Variants in SLC7A8 observed in about 807,000 individuals in gnomAD.
SLC7A8 encodes the protein large neutral amino acids transporter small subunit 2.
Under a neutral mutation model 51.2 loss-of-function variants are expected in SLC7A8, and 30 were observed. The ratio of observed to expected loss-of-function variants is 0.59; its 90% CI spans 0.44 to 0.80. SLC7A8 has a LOEUF of 0.80. SLC7A8 is among the 30% of genes least tolerant of loss of function. The probability of loss-of-function intolerance (pLI) is 0.00; values close to 1 mark genes in which losing one functional copy is unlikely to be tolerated. For synonymous variants in SLC7A8, 257 were observed against 275.8 expected (o/e 0.93, Z 0.67); for missense variants, 612 against 674.4 (o/e 0.91, Z 1.03).
In SLC7A8 at chr14:23,139,439, G is replaced by A. The variant is rs1172504183; in HGVS notation, c.897C>T (p.Ser299=). The change falls in exon 6 of 11, where the codon TCC becomes TCT. Residue 299 remains serine (S), a synonymous_variant. Coordinates refer to ENST00000316902, the MANE Select transcript of SLC7A8 (RefSeq NM_012244.4). ...CATTTCTTACCACAGCGACGGCGTTGGATGCCAGCAGCTCCTGGGGGGACA... is the reference window on the plus strand; with the variant it reads ...CATTTCTTACCACAGCGACGGCGTTAGATGCCAGCAGCTCCTGGGGGGACA... ...TAMSPQELLA[S]NAVAVTFGEK... The A allele has an allele frequency of 1.2e-6, 2 of 1,614,140 alleles. No homozygotes were observed. The highest frequency in any genetic ancestry group is 2.2e-5 in the South Asian group (2 of 91,082).
intron 3 of SLC7A8, among the ~76,000 whole-genome samples, chr14:23,148,576 A>G (rs1239393824): frequency 6.6e-6 from 1 of 152,240 alleles, no homozygotes; most frequent in Non-Finnish European, 1.5e-5. Context: ...ATCCAGAGGG[A>G]CCAGTGTTGT....
chr14:23,153,556 G>A (rs1159482736), intron 3 of SLC7A8, among the ~76,000 whole-genome samples: 1 of 152,188 alleles, frequency 6.6e-6, no homozygotes, highest in Non-Finnish European at 1.5e-5. Context: ...TGTGCAGCAG[G>A]AAGGAAGATG....
chr14:23,178,014 G>C (rs893912393), intron 1 of SLC7A8, among the ~76,000 whole-genome samples: 2 of 152,146 alleles, frequency 1.3e-5, no homozygotes, highest in Non-Finnish European at 2.9e-5. Flanking sequence ...ACAAGCTCTG[G>C]GTTTGAATCC....
chr14:23,132,760 C>T (rs1293520833), intron 7 of SLC7A8, among the ~76,000 whole-genome samples: 2 of 151,910 alleles, frequency 1.3e-5, no homozygotes, highest in Admixed American at 6.6e-5. Context: ...CTCAGCCTCC[C>T]GAGTAGCTGG....
At chr14:23,148,363 G>A (rs1484349855) in intron 3 of SLC7A8, among the ~76,000 whole-genome samples, 1 of 152,092 alleles carries the variant, frequency 6.6e-6, no homozygotes, top group African/African-American at 2.4e-5. Context: ...CAAGTAGCTG[G>A]GATTACAGGT....
At chr14:23,155,211 T>C in intron 3 of SLC7A8, 1 of 1,536,004 alleles carries the variant, frequency 6.5e-7, no homozygotes, top group Non-Finnish European at 8.7e-7. Flanking sequence ...GAGGAGGTGC[T>C]CTGAGCCTTC....
chr14:23,127,885 T>G (rs186704248), intron 10 of SLC7A8, 134 bp downstream of exon 10: 10 of 758,376 alleles, frequency 1.3e-5, no homozygotes, highest in African/African-American at 5.3e-5. Context: ...TGCTCTGGAC[T>G]CTTCCAGGGC....
chr14:23,141,646 G>A (rs1396627751), intron 4 of SLC7A8, among the ~76,000 whole-genome samples: 2 of 151,916 alleles, frequency 1.3e-5, no homozygotes, highest in African/African-American at 4.8e-5. Context: ...TAGATACAGG[G>A]TTTCATCATG....
intron 1 of SLC7A8, among the ~76,000 whole-genome samples, chr14:23,167,189 A>G (rs1391711813): frequency 6.6e-6 from 1 of 152,150 alleles, no homozygotes; most frequent in African/African-American, 2.4e-5. Flanking sequence ...CTCTATAAAA[A>G]CAGTCCTAGT....
At chr14:23,162,724 G>A (rs1415118527) in intron 3 of SLC7A8, among the ~76,000 whole-genome samples, 4 of 152,222 alleles carry the variant, frequency 2.6e-5, no homozygotes, top group Non-Finnish European at 2.9e-5. Flanking sequence ...CCGAGGGGAC[G>A]CCAAAAAGGC....
intron 4 of SLC7A8, among the ~76,000 whole-genome samples, chr14:23,141,148 G>A (rs1009192913): frequency 1.3e-5 from 2 of 152,174 alleles, no homozygotes; most frequent in Non-Finnish European, 2.9e-5. Flanking sequence ...AGCTGGGTGT[G>A]GTGGTGCATG....
At chr14:23,171,866 T>C (rs2048976792) in intron 1 of SLC7A8, among the ~76,000 whole-genome samples, 1 of 152,142 alleles carries the variant, frequency 6.6e-6, no homozygotes, top group Admixed American at 6.6e-5. Flanking sequence ...TCCTCAGGGG[T>C]GGTAGCAGGT....
At chr14:23,157,284 A>G (rs903088718) in intron 3 of SLC7A8, among the ~76,000 whole-genome samples, 1 of 152,214 alleles carries the variant, frequency 6.6e-6, no homozygotes, top group Admixed American at 6.5e-5. Flanking sequence ...TGCCAAATGC[A>G]TCTACTTTTC....
intron 3 of SLC7A8, among the ~76,000 whole-genome samples, chr14:23,153,049 A>G (rs1041170443): frequency 6.6e-6 from 1 of 152,148 alleles, no homozygotes; most frequent in African/African-American, 2.4e-5. Context: ...CCTACCACCC[A>G]AGGCTTGTGT....
Position 23,181,436 on chromosome 14 carries a change from G to A in SLC7A8, c.151+1328C>T, listed in dbSNP as rs1877170273. ...CATAAAATAGGATTCCAGGGTGTAG[G>A]AGGAGTTGGTGGGGGTGGGGGGGGG... On this transcript the variant is annotated intron_variant, in intron 1 of 10. Transcript: ENST00000316902. Among the ~76,000 whole-genome samples the A allele has an allele frequency of 2.1e-5, 3 of 143,040 alleles. No individual in the cohort carries two copies. The South Asian group carries it at 6.8e-4, about 32-fold the overall frequency. The allele number at this position is 143,040 out of a possible 152,430, so 93.8% of individuals were successfully genotyped here.
At chr14:23,174,674 A>G (rs962951459) in intron 1 of SLC7A8, among the ~76,000 whole-genome samples, 1 of 152,244 alleles carries the variant, frequency 6.6e-6, no homozygotes, top group Non-Finnish European at 1.5e-5. Context: ...GTTTGTTAAA[A>G]TGTGGAATAA....
At chr14:23,175,379 T>G (rs1056436654) in intron 1 of SLC7A8, among the ~76,000 whole-genome samples, 1 of 152,150 alleles carries the variant, frequency 6.6e-6, no homozygotes, top group African/African-American at 2.4e-5. Flanking sequence ...TGGCTAATTT[T>G]TGTATTTTTA....
At chr14:23,168,231 A>G (rs1173974369) in intron 1 of SLC7A8, among the ~76,000 whole-genome samples, 1 of 152,222 alleles carries the variant, frequency 6.6e-6, no homozygotes, top group Non-Finnish European at 1.5e-5. Flanking sequence ...TGATAGGACA[A>G]CAGGACATCT....
chr14:23,169,195 T>G (rs60251725), intron 1 of SLC7A8, among the ~76,000 whole-genome samples: 4,630 of 151,742 alleles, frequency 0.031, 258 homozygotes, highest in African/African-American at 0.11. Flanking sequence ...ACAAAAAAAT[T>G]TTTTGTTTTT....
Sources: allele counts gnomAD v4.1 joint callset (sites outside exome capture counted in the v4.1 genomes callset), GRCh38; gene constraint gnomAD v4.1.1; transcripts MANE v1.5; gene names NCBI Gene and HGNC (gene_info 2026-07-23, HGNC 2026-07-21).